MRRF: variants seen among roughly 807,000 people sequenced by gnomAD.
The protein encoded by MRRF is mitochondrial ribosome recycling factor.
A neutral mutation model predicts 25.1 loss-of-function variants in MRRF; 18 were observed. The observed-to-expected ratio is 0.72, with a 90% CI of 0.50 to 1.06. The LOEUF (loss-of-function observed/expected upper bound fraction) is 1.06, where lower values mean the gene tolerates loss of function less well. Ranked by LOEUF, MRRF falls within the 50% of genes least tolerant of loss-of-function variation. MRRF has a pLI of 0.00. For missense variants in MRRF, 323 were observed against 319.3 expected, an observed-to-expected ratio of 1.01 and a Z score of -0.09; for synonymous variants, 113 against 112.1, an observed-to-expected ratio of 1.01 and a Z score of -0.05.
chr9:122,294,860 A>C (rs1833988103), intron 5 of MRRF, among the ~76,000 whole-genome samples: 1 of 152,202 alleles, frequency 6.6e-6, no homozygotes, highest in East Asian at 1.9e-4. Context: ...TAAACATAAG[A>C]TATTACTTCA....
At chr9:122,296,290 G>GT (rs1215085846) in intron 5 of MRRF, among the ~76,000 whole-genome samples, 1 of 152,084 alleles carries the variant, frequency 6.6e-6, no homozygotes, top group African/African-American at 2.4e-5. Flanking sequence ...AACTGGATTG[G>GT]TTTTTTTGGG....
chr9:122,277,940 G>C (rs1832878399), intron 2 of MRRF, among the ~76,000 whole-genome samples: 2 of 150,956 alleles, frequency 1.3e-5, no homozygotes. Flanking sequence ...ATACATATTT[G>C]TACATACTTA....
chr9:122,276,402 C>T lies in MRRF; in HGVS notation c.185-4041C>T, dbSNP rs548431978. ...AACTCCTGGGCTCAAGTGATCCTCT[C>T]GCCTTGGCCTTCCAGAGCGCTGGGA... On this transcript the variant is annotated intron_variant, in intron 2 of 6. Coordinates refer to ENST00000344641, the MANE Select transcript of MRRF (RefSeq NM_138777.5). Among the ~76,000 whole-genome samples, 184 of 152,298 alleles carry T rather than the reference C, an allele frequency of 1.2e-3. 2 individuals are homozygous for T. Among genetic ancestry groups the T allele is most frequent in the African/African-American group, 4.3e-3 (177 of 41,562 alleles).
chr9:122,311,372 C>G (rs150266596), intron 5 of MRRF, among the ~76,000 whole-genome samples: 1 of 152,332 alleles, frequency 6.6e-6, no homozygotes, highest in African/African-American at 2.4e-5. Context: ...GCACTCCACT[C>G]TCCATTTCCT....
chr9:122,331,010 G>T lies in MRRF; in HGVS notation c.*8393G>T, dbSNP rs1056957741. ...GCCTCATACATTATTTTCACTAAGA[G>T]ACCAGTGGGGCTGGAAAGGGACTTG... On this transcript the variant is annotated 3_prime_UTR_variant, in exon 7 of 7. Coordinates refer to ENST00000344641, the MANE Select transcript of MRRF (RefSeq NM_138777.5). 1 of 152,196 alleles carries T rather than the reference G, an allele frequency of 6.6e-6. No homozygotes were observed. Among genetic ancestry groups the T allele is most frequent in the Non-Finnish European group, 1.5e-5 (1 of 68,042 alleles). The allele number at this position is 152,196 out of a possible 1,614,324, so 9.4% of individuals were successfully genotyped here.
chr9:122,321,335 C>T (rs1045043180), intron 6 of MRRF, among the ~76,000 whole-genome samples: 1 of 152,140 alleles, frequency 6.6e-6, no homozygotes, highest in South Asian at 2.1e-4. Context: ...ACACCCTATC[C>T]TTAAGTAGTA....
intron 4 of MRRF, among the ~76,000 whole-genome samples, chr9:122,290,289 GA>G (rs1833683643): frequency 6.6e-6 from 1 of 152,138 alleles, no homozygotes; most frequent in African/African-American, 2.4e-5. Flanking sequence ...TTGGGGGTGT[GA>G]CCCTATTCTA....
chr9:122,269,967 C>T (rs932741626), intron 1 of MRRF, among the ~76,000 whole-genome samples: 6 of 152,014 alleles, frequency 3.9e-5, no homozygotes, highest in African/African-American at 1.2e-4. Flanking sequence ...CTAGGATTGG[C>T]TTCCAGGTCT....
intron 5 of MRRF, among the ~76,000 whole-genome samples, chr9:122,292,254 A>G (rs955516627): frequency 8.5e-5 from 13 of 152,166 alleles, no homozygotes; most frequent in Admixed American, 7.9e-4. Context: ...GCTAAGAGCT[A>G]AATGATGAGA....
rs1395413133 is a variant in MRRF at position 122,318,330 on chromosome 9, G to A, written c.712-4210G>A. Among the ~76,000 whole-genome samples, 3 of 152,050 alleles carry A rather than the reference G, an allele frequency of 2.0e-5. No homozygotes were observed. In the East Asian group the frequency reaches 5.8e-4, roughly 29 times the overall value. ...TCTGCCAGCCTGCTGTTTCACCTTT[G>A]CTTTGGTTTGCTATAAATGAGCCTG... On this transcript the variant is annotated intron_variant, in intron 6 of 6. Coordinates refer to ENST00000344641, the MANE Select transcript of MRRF (RefSeq NM_138777.5).
intron 4 of MRRF, among the ~76,000 whole-genome samples, chr9:122,286,614 G>A (rs566088059): frequency 6.6e-6 from 1 of 152,296 alleles, no homozygotes. Context: ...TCAGGAAACT[G>A]CAGTGGAAGG....
intron 5 of MRRF, among the ~76,000 whole-genome samples, chr9:122,311,784 G>A (rs1835221181): frequency 6.6e-6 from 1 of 152,098 alleles, no homozygotes; most frequent in Admixed American, 6.5e-5. Context: ...TCTTTTTGGA[G>A]AAGTTTATGA....
chr9:122,266,639 C>T (rs112826929), intron 1 of MRRF, among the ~76,000 whole-genome samples: 1 of 152,134 alleles, frequency 6.6e-6, no homozygotes, highest in Admixed American at 6.5e-5. Context: ...ATGTTATAAG[C>T]TAGTATACAG....
At chr9:122,297,119 C>T (rs1834138017) in intron 5 of MRRF, among the ~76,000 whole-genome samples, 1 of 152,178 alleles carries the variant, frequency 6.6e-6, no homozygotes, top group Admixed American at 6.5e-5. Context: ...TCAAGACCAG[C>T]CTGACCAACA....
At chr9:122,284,708 C>T (rs958187312) in intron 3 of MRRF, among the ~76,000 whole-genome samples, 1 of 152,194 alleles carries the variant, frequency 6.6e-6, no homozygotes, top group African/African-American at 2.4e-5. Context: ...TTTTCTATCA[C>T]GATACTGCTG....
At chr9:122,311,554 T>C (rs895914567) in intron 5 of MRRF, among the ~76,000 whole-genome samples, 1 of 152,260 alleles carries the variant, frequency 6.6e-6, no homozygotes, top group African/African-American at 2.4e-5. Context: ...ATTACCTATA[T>C]TATGATTTTG....
chr9:122,308,808 T>G (rs143365445), intron 5 of MRRF, among the ~76,000 whole-genome samples: 121 of 151,748 alleles, frequency 8.0e-4, no homozygotes, highest in African/African-American at 2.8e-3. Context: ...GCTCAAGTGA[T>G]CCTTTCGCCT....
At chr9:122,300,335 G>A (rs1834371187) in intron 5 of MRRF, among the ~76,000 whole-genome samples, 2 of 152,168 alleles carry the variant, frequency 1.3e-5, no homozygotes, top group South Asian at 4.1e-4. Context: ...CCTGGAGGGT[G>A]ATCTGAGCAG....
chr9:122,267,585 C>T (rs964515479), intron 1 of MRRF, among the ~76,000 whole-genome samples: 3 of 152,110 alleles, frequency 2.0e-5, no homozygotes, highest in Non-Finnish European at 4.4e-5. Context: ...GGACTATAGG[C>T]ACCCATCACT....
Sources: allele counts gnomAD v4.1 joint callset (sites outside exome capture counted in the v4.1 genomes callset), GRCh38; gene constraint gnomAD v4.1.1; transcripts MANE v1.5; gene names NCBI Gene and HGNC (gene_info 2026-07-23, HGNC 2026-07-21).